Variants in ULK4 observed in about 807,000 individuals in gnomAD.
The protein encoded by ULK4 is unc-51 like kinase 4, also known as inactive serine/threonine-protein kinase ULK4.
ULK4 carries 133 observed loss-of-function variants against 160.6 expected under a neutral mutation model. The ratio of observed to expected loss-of-function variants is 0.83; its 90% confidence interval spans 0.72 to 0.96. ULK4 has a LOEUF of 0.96. ULK4 is among the 40% of genes least tolerant of loss of function. The pLI, the probability that ULK4 is intolerant of heterozygous loss-of-function variation, is 0.00. For synonymous variants in ULK4, 534 were observed against 539.8 expected (o/e 0.99, Z 0.15); for missense variants, 1,580 against 1,499.5 (o/e 1.05, Z -0.89).
intron 35 of ULK4, among the ~76,000 whole-genome samples, chr3:41,337,447 G>A (rs2080585480): frequency 6.6e-6 from 1 of 152,044 alleles, no homozygotes; most frequent in Admixed American, 6.6e-5. Flanking sequence ...TGAAGGGAGG[G>A]GGATGACTGG....
intron 35 of ULK4, among the ~76,000 whole-genome samples, chr3:41,291,078 G>A (rs2079551740): frequency 1.3e-5 from 2 of 151,104 alleles, no homozygotes; most frequent in South Asian, 4.2e-4. Context: ...TTTTTGGTTC[G>A]CGGTGATCCT....
intron 30 of ULK4, among the ~76,000 whole-genome samples, chr3:41,656,867 G>A (rs1426083217): frequency 6.6e-6 from 1 of 152,008 alleles, no homozygotes; most frequent in Non-Finnish European, 1.5e-5. Context: ...TGCTCCAAAA[G>A]AACTCAAAGA....
intron 17 of ULK4, among the ~76,000 whole-genome samples, chr3:41,849,772 TTCTC>T (rs2042163621): frequency 6.6e-6 from 1 of 152,136 alleles, no homozygotes; most frequent in South Asian, 2.1e-4. Flanking sequence ...CTTTGTGCCT[TTCTC>T]TCAATTTTGA....
chr3:41,457,240 C>T (rs1015139763), intron 33 of ULK4, among the ~76,000 whole-genome samples: 1 of 152,084 alleles, frequency 6.6e-6, no homozygotes, highest in Non-Finnish European at 1.5e-5. Context: ...GTGAGGGGTA[C>T]GGTGCCTCCT....
At chr3:41,894,654 C>CA (rs775155627) in intron 16 of ULK4, among the ~76,000 whole-genome samples, 1 of 152,036 alleles carries the variant, frequency 6.6e-6, no homozygotes, top group Non-Finnish European at 1.5e-5. Flanking sequence ...GAATAATTAC[C>CA]AAAAATCTAT....
intron 31 of ULK4, among the ~76,000 whole-genome samples, chr3:41,583,674 G>A (rs1486515354): frequency 6.6e-6 from 1 of 152,152 alleles, no homozygotes; most frequent in Non-Finnish European, 1.5e-5. Context: ...TCAGGCCATG[G>A]CCTCCTCATG....
intron 35 of ULK4, among the ~76,000 whole-genome samples, chr3:41,377,063 T>TA (rs2081518181): frequency 6.6e-6 from 1 of 151,614 alleles, no homozygotes. Context: ...CCCTCAGAAA[T>TA]AACGCCACAT....
At chr3:41,681,698 G>A (rs749638740) in intron 28 of ULK4, 46 bp from the exon 29 acceptor site, 6 of 1,613,780 alleles carry the variant, frequency 3.7e-6, no homozygotes, top group Non-Finnish European at 5.1e-6. Context: ...CATGGAGACA[G>A]AATGAAAATA....
intron 19 of ULK4, among the ~76,000 whole-genome samples, chr3:41,812,877 A>T (rs899529274): frequency 2.0e-5 from 3 of 152,286 alleles, no homozygotes; most frequent in African/African-American, 7.2e-5. Flanking sequence ...AGGCTGAGAA[A>T]GTTGTCTTTT....
intron 18 of ULK4, among the ~76,000 whole-genome samples, chr3:41,821,547 C>T (rs187338633): frequency 1.3e-5 from 2 of 152,318 alleles, no homozygotes; most frequent in African/African-American, 2.4e-5. Context: ...ATTCCTGTCC[C>T]TCCACTTGGG....
intron 29 of ULK4, among the ~76,000 whole-genome samples, chr3:41,669,628 C>A (rs1308842686): frequency 6.6e-6 from 1 of 151,926 alleles, no homozygotes; most frequent in Non-Finnish European, 1.5e-5. Flanking sequence ...AGGATATGTC[C>A]AAGGATGCAG....
At chr3:41,473,780 G>A (rs2084061252) in intron 32 of ULK4, among the ~76,000 whole-genome samples, 1 of 151,146 alleles carries the variant, frequency 6.6e-6, no homozygotes, top group Non-Finnish European at 1.5e-5. Flanking sequence ...AATTTAAGAT[G>A]GTGAAATAAC....
rs1415391742 is a variant in ULK4, at chr3:41,723,395, CCTT to C, written c.2322-5537_2322-5535del. ...TGTCCCCTTCTTTATCCTCTTTCTT[CCTT>C]CTTGTTTCTCCTCCTCCTCTTGTCT... On this transcript the variant is annotated intron_variant, in intron 22 of 36. Coordinates refer to ENST00000301831, the MANE Select transcript of ULK4 (RefSeq NM_017886.4). Among the ~76,000 whole-genome samples, 3 of 152,162 alleles carry C rather than the reference CCTT, an allele frequency of 2.0e-5. No individual in the cohort carries two copies. The South Asian group carries it at 6.2e-4, about 32-fold the overall frequency.
intron 32 of ULK4, among the ~76,000 whole-genome samples, chr3:41,484,841 A>G (rs753310209): frequency 4.6e-5 from 7 of 152,176 alleles, no homozygotes; most frequent in Non-Finnish European, 8.8e-5. Context: ...CCACTCTGAT[A>G]CTTTATGAGT....
chr3:41,859,014 G>A (rs929546381), intron 17 of ULK4, among the ~76,000 whole-genome samples: 1 of 152,106 alleles, frequency 6.6e-6, no homozygotes, highest in East Asian at 1.9e-4. Context: ...ATGTGAGAAG[G>A]CAGGAGCCAT....
intron 35 of ULK4, among the ~76,000 whole-genome samples, chr3:41,345,131 C>T (rs115190709): frequency 0.022 from 3,276 of 152,216 alleles, 97 homozygotes; most frequent in East Asian, 0.12. Flanking sequence ...ACAACAGATG[C>T]TGATGAGATT....
At chr3:41,276,231 G>A (rs1259863927) in intron 35 of ULK4, among the ~76,000 whole-genome samples, 1 of 152,152 alleles carries the variant, frequency 6.6e-6, no homozygotes, top group Non-Finnish European at 1.5e-5. Context: ...AACACATTTG[G>A]CACCCTTACC....
intron 35 of ULK4, among the ~76,000 whole-genome samples, chr3:41,397,729 G>A (rs948048258): frequency 1.3e-5 from 2 of 152,130 alleles, no homozygotes; most frequent in African/African-American, 4.8e-5. Flanking sequence ...AATATGGACA[G>A]AAGACTGGTA....
At chr3:41,948,197 T>C (rs1283692766) in intron 2 of ULK4, among the ~76,000 whole-genome samples, 1 of 152,142 alleles carries the variant, frequency 6.6e-6, no homozygotes, top group Non-Finnish European at 1.5e-5. Flanking sequence ...ATACCTGTAA[T>C]CCCGGCATTT....
Sources: allele counts gnomAD v4.1 joint callset (sites outside exome capture counted in the v4.1 genomes callset), GRCh38; gene constraint gnomAD v4.1.1; transcripts MANE v1.5; gene names NCBI Gene and HGNC (gene_info 2026-07-23, HGNC 2026-07-21).